Variants in COL1A2 observed in about 807,000 individuals in gnomAD.
COL1A2 encodes the protein collagen alpha-2(I) chain.
Under a neutral mutation model 174.3 loss-of-function variants are expected in COL1A2, and 49 were observed. The observed-to-expected ratio is 0.28, with a 90% confidence interval of 0.22 to 0.36. The LOEUF is 0.36. Ranked by LOEUF, COL1A2 falls within the 10% of genes least tolerant of loss-of-function variation. The probability of loss-of-function intolerance (pLI) is 1.00; values close to 1 mark genes in which losing one functional copy is unlikely to be tolerated. For synonymous variants in COL1A2, 655 were observed against 606.6 expected (o/e 1.08, Z -1.17); for missense variants, 1,438 against 1,822.7 (o/e 0.79, Z 3.84).
chr7:94,426,780 A>G, intron 46 of COL1A2: 1 of 626,028 alleles, frequency 1.6e-6, no homozygotes, highest in African/African-American at 1.8e-5. Flanking sequence ...CCCCACTTAA[A>G]ATAAACATAA....
chr7:94,406,907 G>A (rs2115883454), intron 12 of COL1A2, among the ~76,000 whole-genome samples: 2 of 152,316 alleles, frequency 1.3e-5, no homozygotes, highest in South Asian at 4.1e-4. Context: ...AAATTAATGA[G>A]TAACGAATAC....
intron 42 of COL1A2, 35 bp downstream of exon 42, chr7:94,425,259 A>G: frequency 6.3e-7 from 1 of 1,575,806 alleles, no homozygotes. Flanking sequence ...AATAAAACTG[A>G]GCAGGATTTC....
chr7:94,401,696 A>G (rs985181354), intron 6 of COL1A2, 76 bp downstream of exon 6: 2 of 1,097,436 alleles, frequency 1.8e-6, no homozygotes, highest in Non-Finnish European at 2.7e-6. Flanking sequence ...TTACCACGCC[A>G]TTTATTTAGC....
intron 48 of COL1A2, 142 bp from the exon 49 acceptor site, chr7:94,427,485 G>A (rs754728264): frequency 5.9e-5 from 69 of 1,167,574 alleles, no homozygotes; most frequent in Non-Finnish European, 7.7e-5. Context: ...CTGGGGGCTC[G>A]TTATTTATTT....
Position 94,423,010 on chromosome 7 carries a change from T to C in COL1A2, c.2457T>C (p.Arg819=). Reference sequence around the variant, plus strand: ...GTCCTGCTGGGAAAGAAGGGCTTCGTGGTCCTCGTGGTGACCAAGGTCCAG... The same window carrying C: ...GTCCTGCTGGGAAAGAAGGGCTTCGCGGTCCTCGTGGTGACCAAGGTCCAG... ...PPGPAGKEGL[R]GPRGDQGPVG... is the part of the protein sequence containing the mutation. Residue 819 remains arginine (R), a synonymous_variant, in exon 40 of 52, where the codon CGT becomes CGC. Coordinates refer to ENST00000297268, the MANE Select transcript of COL1A2 (RefSeq NM_000089.4). 1 of 1,614,166 alleles carries C rather than the reference T, an allele frequency of 6.2e-7. No individual in the cohort carries two copies. The highest frequency in any genetic ancestry group is 8.5e-7 in the Non-Finnish European group (1 of 1,180,026).
In COL1A2 at chr7:94,404,723, G is replaced by A; in HGVS notation, c.355G>A (p.Glu119Lys). The stretch of plus-strand genomic sequence containing the variant: ...TCAAGGTTTCCAAGGACCTGCTGGT[G>A]AGCCTGGTGAACCTGGTCAAACTGT... Reference protein sequence around the residue: ...GPQGFQGPAGEPGEPGQTGPA... With the variant: ...GPQGFQGPAGKPGEPGQTGPA... The change falls in exon 8 of 52, where the codon GAG becomes AAG. Residue 119 changes from glutamate to lysine, a missense_variant. Physicochemically the swap from Glu to Lys is moderately conservative, Grantham distance 56. Coordinates refer to ENST00000297268, the MANE Select transcript of COL1A2 (RefSeq NM_000089.4). 3 of 1,614,088 alleles carry A rather than the reference G, an allele frequency of 1.9e-6. No individual in the cohort carries two copies. The highest frequency in any genetic ancestry group is 2.5e-6 in the Non-Finnish European group (3 of 1,179,996).
chr7:94,412,017 G>C (rs1791938789), intron 23 of COL1A2, 51 bp from the exon 24 acceptor site: 1 of 1,480,102 alleles, frequency 6.8e-7, no homozygotes, highest in Non-Finnish European at 9.4e-7. Context: ...TCTAAGGCTT[G>C]AGTATGTAAG....
intron 2 of COL1A2, 99 bp downstream of exon 2, chr7:94,397,857 C>A: frequency 1.4e-6 from 1 of 701,146 alleles, no homozygotes; most frequent in Non-Finnish European, 2.4e-6. Flanking sequence ...TAATATTGAC[C>A]ATCCTAGATT....
In COL1A2 at chr7:94,401,620, G is replaced by A. The variant is rs72656356; in HGVS notation, c.279G>A (p.Met93Ile). 1 of 1,587,168 alleles carries A rather than the reference G, an allele frequency of 6.3e-7. No individual in the cohort carries two copies. Reference protein sequence around the residue: ...GKGVGLGPGPMGLMGPRGPPG... With the variant: ...GKGVGLGPGPIGLMGPRGPPG... The stretch of plus-strand genomic sequence containing the variant: ...GAGTTGGACTTGGCCCTGGACCAAT[G>A]GTATGCTTATCTGTTTATCTTAGCC... The change falls in exon 6 of 52, where the codon ATG (methionine) becomes ATA (isoleucine). Residue 93 changes from methionine (M) to isoleucine (I), a missense_variant and splice_region_variant. Coordinates refer to ENST00000297268, the MANE Select transcript of COL1A2 (RefSeq NM_000089.4).
intron 4 of COL1A2, 139 bp downstream of exon 4, chr7:94,399,223 G>C: frequency 2.8e-6 from 2 of 723,896 alleles, no homozygotes; most frequent in Non-Finnish European, 4.7e-6. Flanking sequence ...ATGCACTGCA[G>C]AAGAAGCGAA....
chr7:94,421,973 G>T (rs202082357), intron 39 of COL1A2, 21 bp downstream of exon 39: 2 of 1,611,704 alleles, frequency 1.2e-6, no homozygotes, highest in South Asian at 1.1e-5. Context: ...CACTGTAAAC[G>T]TGTCTTCATT....
Position 94,429,496 on chromosome 7 carries a change from GC to G in COL1A2, c.3954+71del, listed in dbSNP as rs1237967654. On this transcript the variant is annotated intron_variant, in intron 51 of 51. Transcript: ENST00000297268. ...GATGGAGGGGGTTCTAACTTAGACTGCCCCCAAGGGGGGGTCTAAAGGGGGG... is the reference window on the plus strand; with the variant it reads ...GATGGAGGGGGTTCTAACTTAGACTGCCCCAAGGGGGGGTCTAAAGGGGGG... 5.1e-6 allele frequency: 8 copies of G among 1,576,790 alleles called. No individual in the cohort carries two copies. The East Asian group carries it at 6.7e-5, about 13-fold the overall frequency.
In COL1A2 at chr7:94,403,039, T is replaced by C. The variant is rs1791716963; in HGVS notation, c.279+1419T>C. 2.0e-5 allele frequency among the ~76,000 whole-genome samples: 3 copies of C among 152,256 alleles called. No individual in the cohort carries two copies. The South Asian group carries it at 6.2e-4, about 32-fold the overall frequency. ...CTTTGTTTATATTGGATTTTTGAAA[T>C]TAGCTGTTTCAGCTAATGCTGGACA... On this transcript the variant is annotated intron_variant, in intron 6 of 51. Coordinates refer to ENST00000297268, the MANE Select transcript of COL1A2 (RefSeq NM_000089.4).
chr7:94,401,297 G>A (rs919624708), intron 5 of COL1A2, among the ~76,000 whole-genome samples: 6 of 152,054 alleles, frequency 3.9e-5, no homozygotes, highest in Non-Finnish European at 7.4e-5. Flanking sequence ...TGGAGACACC[G>A]AGTTAAGGCA....
rs371447153 is a variant in COL1A2 at position 94,411,045 on chromosome 7, T to A, written c.1252-11T>A. 4 of 1,605,734 alleles carry A rather than the reference T, an allele frequency of 2.5e-6. No homozygotes were observed. In the African/African-American group the frequency reaches 5.4e-5, roughly 22 times the overall value. On this transcript the variant is annotated splice_polypyrimidine_tract_variant and intron_variant, in intron 22 of 51. Transcript: ENST00000297268. Reference sequence around the variant, plus strand: ...TCCTCCTCTATCTGTTTTTTTTTTTTTTTTGAATAGGGCCCTCCTGGTAGT... The same window carrying A: ...TCCTCCTCTATCTGTTTTTTTTTTTATTTTGAATAGGGCCCTCCTGGTAGT...
intron 13 of COL1A2, 55 bp downstream of exon 13, chr7:94,407,946 G>A: frequency 4.0e-6 from 6 of 1,507,282 alleles, no homozygotes; most frequent in Admixed American, 3.4e-5. Flanking sequence ...TTATGAGATG[G>A]AACTTCTTTA....
At chr7:94,407,343 C>T (rs202173844) in intron 12 of COL1A2, among the ~76,000 whole-genome samples, 1 of 149,252 alleles carries the variant, frequency 6.7e-6, no homozygotes, top group African/African-American at 2.5e-5. Context: ...TATTAAATCC[C>T]ACTACTACTA....
chr7:94,422,357 T>G (rs780308190), intron 39 of COL1A2: 1 of 162,936 alleles, frequency 6.1e-6, no homozygotes, highest in African/African-American at 2.4e-5. Flanking sequence ...CAGACTCTCC[T>G]GTCAGGACTC....
chr7:94,410,150 T>A, intron 19 of COL1A2, 92 bp from the exon 20 acceptor site: 1 of 1,336,454 alleles, frequency 7.5e-7, no homozygotes, highest in East Asian at 2.3e-5. Context: ...AGCTTCTCTT[T>A]ACCTTGACCC....
Sources: gnomAD v4.1 joint callset for allele counts (sites outside exome capture counted in the v4.1 genomes callset) on GRCh38, gnomAD v4.1.1 for gene constraint, MANE v1.5 for transcripts, NCBI Gene and HGNC (gene_info 2026-07-23, HGNC 2026-07-21) for gene names.